PCDH9: variants seen among roughly 807,000 people sequenced by gnomAD.
PCDH9 encodes the protein protocadherin-9.
A neutral mutation model predicts 70.6 loss-of-function variants in PCDH9; 24 were observed. The ratio of observed to expected loss-of-function variants is 0.34; its 90% CI spans 0.25 to 0.48. The LOEUF is 0.48. Among genes scored for constraint, PCDH9 ranks in the 20% least tolerant of loss-of-function variants. The pLI is 0.99. For missense variants in PCDH9, 1,281 were observed against 1,503.6 expected (o/e 0.85, Z 2.45); for synonymous variants, 562 against 558.5 (o/e 1.01, Z -0.09).
chr13:66,779,866 T>TATATATATATATATATATAC (rs1336725254), intron 3 of PCDH9, among the ~76,000 whole-genome samples: 52 of 71,712 alleles, frequency 7.3e-4, no homozygotes, highest in African/African-American at 2.5e-3. Context: ...TATATATATA[T>TATATATATATATATATATAC]ACATATATGT....
intron 2 of PCDH9, among the ~76,000 whole-genome samples, chr13:66,959,548 T>C (rs2083312571): frequency 6.6e-6 from 1 of 150,634 alleles, no homozygotes. Context: ...AGGCCCAGAG[T>C]TTGAGACCAG....
chr13:66,977,878 C>T (rs922731245), intron 2 of PCDH9, among the ~76,000 whole-genome samples: 1 of 151,968 alleles, frequency 6.6e-6, no homozygotes, highest in African/African-American at 2.4e-5. Flanking sequence ...AAAATAGCTA[C>T]AAGGCAATTA....
chr13:67,142,158 A>C (rs1366899466), intron 2 of PCDH9, among the ~76,000 whole-genome samples: 8 of 152,144 alleles, frequency 5.3e-5, no homozygotes, highest in Admixed American at 1.3e-4. Flanking sequence ...ATGTGGAAAA[A>C]CCCTTTTCAT....
chr13:67,186,617 A>C (rs2088766740), intron 2 of PCDH9, among the ~76,000 whole-genome samples: 1 of 152,156 alleles, frequency 6.6e-6, no homozygotes, highest in Non-Finnish European at 1.5e-5. Flanking sequence ...AGAAGAAAAG[A>C]CTAGGATGAT....
chr13:67,191,265 C>T (rs892203151), intron 2 of PCDH9, among the ~76,000 whole-genome samples: 1 of 152,018 alleles, frequency 6.6e-6, no homozygotes, highest in Non-Finnish European at 1.5e-5. Flanking sequence ...TTCTGTGTCT[C>T]AACATAAATT....
intron 3 of PCDH9, chr13:66,859,173 C>T (rs1298863227): frequency 3.3e-5 from 5 of 152,176 alleles, no homozygotes; most frequent in African/African-American, 4.8e-5. Flanking sequence ...TTAGTTTACA[C>T]ATTTGAAAGT....
At chr13:66,448,049 T>C (rs978325553) in intron 4 of PCDH9, among the ~76,000 whole-genome samples, 14 of 152,148 alleles carry the variant, frequency 9.2e-5, no homozygotes, top group Non-Finnish European at 2.9e-5. Flanking sequence ...TGGGTAATAT[T>C]TGGCTGAATA....
chr13:67,034,627 T>A (rs1300950604), intron 2 of PCDH9, among the ~76,000 whole-genome samples: 1 of 152,138 alleles, frequency 6.6e-6, no homozygotes, highest in South Asian at 2.1e-4. Context: ...ACCATGGCCA[T>A]GTTTTGGTCT....
intron 4 of PCDH9, among the ~76,000 whole-genome samples, chr13:66,375,437 A>G (rs1200076575): frequency 6.6e-6 from 1 of 152,082 alleles, no homozygotes; most frequent in Non-Finnish European, 1.5e-5. Flanking sequence ...AGAAAAAAAA[A>G]CTTGTAGTAT....
At chr13:67,182,471 T>A (rs2088643183) in intron 2 of PCDH9, among the ~76,000 whole-genome samples, 3 of 152,256 alleles carry the variant, frequency 2.0e-5, no homozygotes, top group East Asian at 1.9e-4. Context: ...ACTATCATTA[T>A]ATGTATTATT....
At chr13:66,405,200 A>G (rs896557420) in intron 4 of PCDH9, among the ~76,000 whole-genome samples, 1 of 152,116 alleles carries the variant, frequency 6.6e-6, no homozygotes, top group African/African-American at 2.4e-5. Context: ...TCTTGATTCA[A>G]TCATCTTATT....
At chr13:67,167,653 C>G (rs2088158935) in intron 2 of PCDH9, among the ~76,000 whole-genome samples, 1 of 152,098 alleles carries the variant, frequency 6.6e-6, no homozygotes, top group Admixed American at 6.5e-5. Flanking sequence ...TGGACTGAGG[C>G]CCAGTGTCAG....
intron 4 of PCDH9, among the ~76,000 whole-genome samples, chr13:66,462,433 G>A (rs1265906839): frequency 2.0e-5 from 3 of 151,834 alleles, no homozygotes; most frequent in Non-Finnish European, 2.9e-5. Context: ...GTTTGCCTAA[G>A]AATGAATTCA....
chr13:67,174,537 G>A (rs1378206770), intron 2 of PCDH9, among the ~76,000 whole-genome samples: 2 of 152,144 alleles, frequency 1.3e-5, no homozygotes, highest in African/African-American at 4.8e-5. Flanking sequence ...CACGAGTGAC[G>A]TGAGATAAGA....
chr13:66,601,524 G>C (rs1187599166), intron 4 of PCDH9, among the ~76,000 whole-genome samples: 2 of 146,014 alleles, frequency 1.4e-5, no homozygotes, highest in Non-Finnish European at 3.1e-5. Flanking sequence ...AACTAATCAG[G>C]CCACACATCT....
At chr13:67,135,515 A>G (rs1375346656) in intron 2 of PCDH9, among the ~76,000 whole-genome samples, 2 of 152,074 alleles carry the variant, frequency 1.3e-5, no homozygotes, top group African/African-American at 2.4e-5. Context: ...AAGGTTTTCT[A>G]AAATTACGAA....
chr13:66,494,727 C>T (rs570689278), intron 4 of PCDH9, among the ~76,000 whole-genome samples: 1 of 152,182 alleles, frequency 6.6e-6, no homozygotes, highest in Non-Finnish European at 1.5e-5. Flanking sequence ...GGATATTTCA[C>T]AAGATAACTG....
chr13:66,952,268 T>C (rs945352749), intron 2 of PCDH9, among the ~76,000 whole-genome samples: 2 of 152,162 alleles, frequency 1.3e-5, no homozygotes, highest in African/African-American at 2.4e-5. Context: ...CCTGTATTTA[T>C]TGAGTGATGT....
At chr13:66,602,789 C>A (rs1002008868) in intron 4 of PCDH9, among the ~76,000 whole-genome samples, 4 of 145,982 alleles carry the variant, frequency 2.7e-5, no homozygotes, top group African/African-American at 9.8e-5. Context: ...GAGCAACTTC[C>A]AGTCCTGCAA....
Sources: gnomAD v4.1 joint callset for allele counts (sites outside exome capture counted in the v4.1 genomes callset) on GRCh38, gnomAD v4.1.1 for gene constraint, MANE v1.5 for transcripts, NCBI Gene and HGNC (gene_info 2026-07-23, HGNC 2026-07-21) for gene names.